TAF4: variants seen among roughly 807,000 people sequenced by gnomAD.
TAF4 encodes the protein transcription initiation factor TFIID subunit 4.
TAF4 carries 9 observed loss-of-function variants against 90.3 expected under a neutral mutation model. The observed-to-expected ratio is 0.10, with a 90% CI of 0.06 to 0.17. TAF4 has a LOEUF of 0.17. Ranked by LOEUF, TAF4 falls within the 10% of genes least tolerant of loss-of-function variation. The pLI, the probability that TAF4 is intolerant of heterozygous loss-of-function variation, is 1.00. For synonymous variants in TAF4, 818 were observed against 638.9 expected, an observed-to-expected ratio of 1.28 and a Z score of -4.23; for missense variants, 1,351 against 1,370.7, an observed-to-expected ratio of 0.99 and a Z score of 0.23.
intron 14 of TAF4, among the ~76,000 whole-genome samples, chr20:61,982,758 C>A (rs1052467265): frequency 3.3e-5 from 5 of 151,342 alleles, no homozygotes; most frequent in Admixed American, 6.6e-5. Context: ...CAGTGGGCGG[C>A]GGGACTCTGA....
chr20:62,014,582 T>A lies in TAF4; in HGVS notation c.1486A>T (p.Thr496Ser). The A allele has an allele frequency of 1.2e-6, 2 of 1,613,700 alleles. No individual in the cohort carries two copies. The highest frequency in any genetic ancestry group is 8.5e-7 in the Non-Finnish European group (1 of 1,179,816). Residue 496 changes from threonine to serine, a missense_variant, in exon 2 of 15, where the codon ACA becomes TCA. Physicochemically the swap from Thr to Ser is moderately conservative, Grantham distance 58. Around this residue, in one of 9 missense-constraint regions of TAF4, gnomAD observed 143 missense variants for 176.3 expected, o/e 0.81. Transcript: ENST00000252996. Reference protein sequence around the residue: ...TTMAPRPATPTSAPPVQISTV... With the variant: ...TTMAPRPATPSSAPPVQISTV... The stretch of plus-strand genomic sequence containing the variant: ...GAGATCTGGACGGGAGGGGCACTTG[T>A]GGGGGTGGCAGGGCGAGGCGCCATG...
At chr20:62,030,116 A>G (rs1427495061) in intron 1 of TAF4, among the ~76,000 whole-genome samples, 2 of 152,168 alleles carry the variant, frequency 1.3e-5, no homozygotes, top group African/African-American at 4.8e-5. Context: ...CAGAGCCCCG[A>G]TAGGGGTGTG....
intron 14 of TAF4, among the ~76,000 whole-genome samples, chr20:61,983,060 G>A (rs1032801693): frequency 6.6e-6 from 1 of 152,218 alleles, no homozygotes; most frequent in African/African-American, 2.4e-5. Context: ...GGAGGCGGGA[G>A]AGGGAGGCTG....
At chr20:62,029,195 CA>C (rs917455667) in intron 1 of TAF4, among the ~76,000 whole-genome samples, 1,730 of 62,794 alleles carry the variant, frequency 0.028, 27 homozygotes, top group African/African-American at 0.087. Context: ...GACTCTGTCT[CA>C]AAAAAAAAAA....
chr20:62,040,456 G>C (rs1445270267), intron 1 of TAF4, among the ~76,000 whole-genome samples: 2 of 152,244 alleles, frequency 1.3e-5, no homozygotes, highest in Non-Finnish European at 2.9e-5. Flanking sequence ...TGGCTGCCGG[G>C]GAGGAAGCTG....
intron 1 of TAF4, among the ~76,000 whole-genome samples, chr20:62,038,607 A>G (rs2055946931): frequency 6.6e-6 from 1 of 152,252 alleles, no homozygotes; most frequent in African/African-American, 2.4e-5. Flanking sequence ...CAGGATACAA[A>G]CACTGAGAAC....
intron 1 of TAF4, chr20:62,037,960 C>T: frequency 5.6e-6 from 1 of 178,470 alleles, no homozygotes; most frequent in Non-Finnish European, 1.2e-5. Flanking sequence ...GAACCATTTT[C>T]ACAGATCATC....
At chr20:62,007,199 T>A (rs752643786) in intron 6 of TAF4, among the ~76,000 whole-genome samples, 1 of 152,176 alleles carries the variant, frequency 6.6e-6, no homozygotes, top group South Asian at 2.1e-4. Context: ...CTGATACCAA[T>A]GATTACCCAA....
At chr20:62,051,768 C>G (rs993838743) in intron 1 of TAF4, among the ~76,000 whole-genome samples, 1 of 152,220 alleles carries the variant, frequency 6.6e-6, no homozygotes, top group Non-Finnish European at 1.5e-5. Context: ...GCCCTCAACG[C>G]TGCCCCTGCC....
chr20:62,016,201 G>A (rs1230088907), intron 1 of TAF4, among the ~76,000 whole-genome samples: 1 of 152,212 alleles, frequency 6.6e-6, no homozygotes. Context: ...CACACTCGGC[G>A]CCTGGGGACC....
intron 14 of TAF4, among the ~76,000 whole-genome samples, chr20:61,977,919 G>A (rs947032145): frequency 6.6e-6 from 1 of 152,222 alleles, no homozygotes; most frequent in Non-Finnish European, 1.5e-5. Context: ...TAGTTCAGCA[G>A]CTAAAAAAGA....
Position 62,004,328 on chromosome 20 carries a change from C to CTTTTTTTTTTTTTTTT in TAF4, c.2224-466_2224-451dup, listed in dbSNP as rs60437230. ...TGAATTTTCTTTTTTCTTTTCTTTT[C>CTTTTTTTTTTTTTTTT]TTTTTTTTTTTTTTTTTGAGACAAG... On this transcript the variant is annotated intron_variant, in intron 7 of 14. Transcript: ENST00000252996. 6.7e-4 allele frequency among the ~76,000 whole-genome samples: 79 copies of CTTTTTTTTTTTTTTTT among 117,202 alleles called. 2 individuals carry two copies. Among genetic ancestry groups the CTTTTTTTTTTTTTTTT allele is most frequent in the South Asian group, 1.1e-3 (4 of 3,630 alleles). The allele number at this position is 117,202 out of a possible 152,430, so 76.9% of individuals were successfully genotyped here.
chr20:62,046,377 C>A (rs935987882), intron 1 of TAF4, among the ~76,000 whole-genome samples: 1 of 152,260 alleles, frequency 6.6e-6, no homozygotes. Flanking sequence ...CACACTACGT[C>A]ACCCTCAATC....
chr20:61,984,209 A>G (rs1275288489), intron 14 of TAF4, among the ~76,000 whole-genome samples: 3 of 152,162 alleles, frequency 2.0e-5, no homozygotes, highest in Admixed American at 6.5e-5. Context: ...ACGCACCCAC[A>G]GCACACCCAC....
chr20:62,015,114 C>T (rs1310891471), intron 1 of TAF4, among the ~76,000 whole-genome samples: 2 of 152,196 alleles, frequency 1.3e-5, no homozygotes, highest in Admixed American at 1.3e-4. Context: ...GAGGGCACAA[C>T]CATGTCTACG....
intron 1 of TAF4, among the ~76,000 whole-genome samples, chr20:62,059,296 A>G (rs529232061): frequency 4.6e-5 from 7 of 152,334 alleles, no homozygotes; most frequent in Non-Finnish European, 1.0e-4. Context: ...GGTGGACAAC[A>G]TGTATCTCTT....
intron 5 of TAF4, among the ~76,000 whole-genome samples, chr20:62,008,496 C>T (rs2055760165): frequency 6.9e-6 from 1 of 145,154 alleles, no homozygotes; most frequent in Non-Finnish European, 1.5e-5. Context: ...TCCCTCCCAC[C>T]TTCCGGCCAG....
In TAF4 at chr20:61,990,239, C is replaced by T. The variant is rs151083677; in HGVS notation, c.3090+7311G>A. 4.9e-3 allele frequency among the ~76,000 whole-genome samples: 742 copies of T among 152,284 alleles called. 6 individuals carry two copies. The highest frequency in any genetic ancestry group is 0.017 in the African/African-American group (700 of 41,552). On this transcript the variant is annotated intron_variant, in intron 14 of 14. Transcript: ENST00000252996. ...GTGCACGCAAACACATGTGGTGTAG[C>T]GGGGACGAAGCAGACAGCGTGATGC...
chr20:62,022,869 C>A (rs1054210132), intron 1 of TAF4, among the ~76,000 whole-genome samples: 12 of 152,158 alleles, frequency 7.9e-5, no homozygotes, highest in South Asian at 4.2e-4. Flanking sequence ...CAGCCCCCCC[C>A]CCGCACATTG....
Sources: allele counts gnomAD v4.1 joint callset (sites outside exome capture counted in the v4.1 genomes callset), GRCh38; gene constraint gnomAD v4.1.1; regional missense constraint gnomAD v4.1.1; transcripts MANE v1.5; gene names NCBI Gene and HGNC (gene_info 2026-07-23, HGNC 2026-07-21).